The following OSBPL5 variants were observed in gnomAD, a reference collection of about 807,000 sequenced individuals.
OSBPL5 encodes oxysterol-binding protein-related protein 5.
Under a neutral mutation model 111.2 loss-of-function variants are expected in OSBPL5, and 71 were observed. The ratio of observed to expected loss-of-function variants is 0.64; its 90% CI spans 0.53 to 0.78. The LOEUF (loss-of-function observed/expected upper bound fraction) is 0.78, where lower values mean the gene tolerates loss of function less well. Ranked by LOEUF, OSBPL5 falls within the 30% of genes least tolerant of loss-of-function variation. The probability of loss-of-function intolerance (pLI) is 0.00; values close to 1 mark genes in which losing one functional copy is unlikely to be tolerated. For missense variants in OSBPL5, 1,210 were observed against 1,189.3 expected, an observed-to-expected ratio of 1.02 and a Z score of -0.26; for synonymous variants, 549 against 513.9, an observed-to-expected ratio of 1.07 and a Z score of -0.93.
intron 1 of OSBPL5, among the ~76,000 whole-genome samples, chr11:3,158,799 C>T (rs1195500810): frequency 1.3e-5 from 2 of 152,244 alleles, no homozygotes; most frequent in Non-Finnish European, 2.9e-5. Flanking sequence ...AGATATAAAA[C>T]AGCTCAAGGA....
rs1423083074 is a variant in OSBPL5 at position 3,165,254 on chromosome 11, G to C, written c.-60C>G. ...GCGAGCTCGGTGCTCCGGGCCGGCC[G>C]GGCGCGCGGGGGCTCCACTGGCGGC... On this transcript the variant is annotated 5_prime_UTR_variant, in exon 1 of 22. Transcript: ENST00000263650. The surrounding 1 kb of genome is among the most constrained non-coding windows in gnomAD (Gnocchi z 7.4). 1 of 151,130 alleles carries C rather than the reference G, an allele frequency of 6.6e-6. No individual in the cohort carries two copies. Among genetic ancestry groups the C allele is most frequent in the African/African-American group, 2.4e-5 (1 of 41,284 alleles). The allele number at this position is 151,130 out of a possible 1,614,324, so 9.4% of individuals were successfully genotyped here.
At chr11:3,116,155 G>T (rs1052727501) in intron 7 of OSBPL5, among the ~76,000 whole-genome samples, 1 of 152,024 alleles carries the variant, frequency 6.6e-6, no homozygotes, top group African/African-American at 2.4e-5. Context: ...TCTTCTTTGG[G>T]CTATATTTGT....
In OSBPL5 at chr11:3,107,446, C is replaced by A; in HGVS notation, c.876G>T (p.Gly292=). 6.2e-7 allele frequency: 1 copy of A among 1,614,008 alleles called. No individual in the cohort carries two copies. The highest frequency in any genetic ancestry group is 1.7e-5 in the Admixed American group (1 of 60,012). ...HPDQDLFPLN[G]SSLENDAFSD... ...AGAATGCATCGTTCTCCAGGGAAGACCCGTTCAGTCTGGAAGGTGGATGGT... is the reference window on the plus strand; with the variant it reads ...AGAATGCATCGTTCTCCAGGGAAGAACCGTTCAGTCTGGAAGGTGGATGGT... Residue 292 remains glycine, a synonymous_variant, in exon 9 of 22, where the codon GGG becomes GGT. Transcript: ENST00000263650. This position sits in a 1 kb window ranked among gnomAD's most constrained non-coding sequence, Gnocchi z 6.1.
Position 3,104,976 on chromosome 11 carries a change from T to C in OSBPL5, c.1060-599A>G. On this transcript the variant is annotated intron_variant, in intron 9 of 21. Transcript: ENST00000263650. The surrounding 1 kb of genome is among the most constrained non-coding windows in gnomAD (Gnocchi z 5.0). ...GAACTCACCCCTCACTTCCGAAGCC[T>C]GTGTGCCCCTCACGAAGGCCCCCTC... 6.6e-6 allele frequency among the ~76,000 whole-genome samples: 1 copy of C among 152,132 alleles called. No homozygotes were observed. Among genetic ancestry groups the C allele is most frequent in the African/African-American group, 2.4e-5 (1 of 41,422 alleles).
At chr11:3,145,065 G>A (rs972775848) in intron 1 of OSBPL5, among the ~76,000 whole-genome samples, 30 of 152,214 alleles carry the variant, frequency 2.0e-4, no homozygotes, top group Non-Finnish European at 3.5e-4. Flanking sequence ...GACTCCCCAC[G>A]GAAGGGGCAC....
rs775240909 is a variant in OSBPL5 at position 3,126,501 on chromosome 11, G to T, written c.191C>A (p.Thr64Asn). The T allele has an allele frequency of 1.2e-6, 2 of 1,609,976 alleles. No homozygotes were observed. Among genetic ancestry groups the T allele is most frequent in the African/African-American group, 1.3e-5 (1 of 74,932 alleles). The stretch of plus-strand genomic sequence containing the variant: ...TGGCACCTTCGTGGCAGAGCTTGGG[G>T]TCGGGGGCCCTTCATCCCTGGGCAG... ...PSLPRDEGPP[T>N]PSSATKVPPA... Residue 64 changes from threonine (T) to asparagine (N), a missense_variant, in exon 3 of 22, where the codon ACC becomes AAC. Physicochemically the swap from Thr to Asn is moderately conservative, Grantham distance 65. Transcript: ENST00000263650. The surrounding 1 kb of genome is among the most constrained non-coding windows in gnomAD (Gnocchi z 6.5).
chr11:3,117,017 TTCTC>T (rs1460641678), intron 7 of OSBPL5, among the ~76,000 whole-genome samples: 2 of 152,246 alleles, frequency 1.3e-5, no homozygotes, highest in African/African-American at 2.4e-5. Flanking sequence ...GCATATTTGT[TTCTC>T]TCTACCTAAT....
rs1564830094 is a variant in OSBPL5, at chr11:3,103,781, GCAGTCCCTTC to G, written c.1244+402_1244+411del. Among the ~76,000 whole-genome samples, 22 of 78,212 alleles carry G rather than the reference GCAGTCCCTTC, an allele frequency of 2.8e-4. No individual in the cohort carries two copies. In the East Asian group the frequency reaches 7.9e-3, roughly 28 times the overall value. 51.3% of individuals were successfully genotyped at this position (78,212 alleles called of 152,430 possible). A position where few individuals can be genotyped will look rare whatever the true frequency, so the allele number is the denominator to read the frequency against. On this transcript the variant is annotated intron_variant, in intron 10 of 21. Coordinates refer to ENST00000263650, the MANE Select transcript of OSBPL5 (RefSeq NM_020896.4). The stretch of plus-strand genomic sequence containing the variant: ...GCTCTGCAGCCCCCTTCCAGCCTCT[GCAGTCCCTTC>G]CTGCCTCTGCAGCCCTCTTCCTGCC...
chr11:3,109,315 A>G lies in OSBPL5; in HGVS notation c.692-1370T>C, dbSNP rs1372838946. Among the ~76,000 whole-genome samples the G allele has an allele frequency of 6.6e-6, 1 of 151,874 alleles. No homozygotes were observed. Among genetic ancestry groups the G allele is most frequent in the Admixed American group, 6.6e-5 (1 of 15,260 alleles). On this transcript the variant is annotated intron_variant, in intron 7 of 21. Transcript: ENST00000263650. The surrounding 1 kb of genome is among the most constrained non-coding windows in gnomAD (Gnocchi z 7.4). ...GGCTGGTCTCAACCTCTGGGCCTCAAGTGATCTGCGTCGGCCTCCCAAAGT... is the reference window on the plus strand; with the variant it reads ...GGCTGGTCTCAACCTCTGGGCCTCAGGTGATCTGCGTCGGCCTCCCAAAGT...
In OSBPL5 at chr11:3,089,839, G is replaced by A. The variant is rs1190025051; in HGVS notation, c.2501+7C>T. ...GAGTCTGGATGGACACCCTGAGTGTGGCCCACCTGTGCAGCTCCTGCTGGG... is the reference window on the plus strand; with the variant it reads ...GAGTCTGGATGGACACCCTGAGTGTAGCCCACCTGTGCAGCTCCTGCTGGG... On this transcript the variant is annotated splice_region_variant and intron_variant, in intron 21 of 21. Transcript: ENST00000263650. 6.4e-7 allele frequency: 1 copy of A among 1,555,504 alleles called. No homozygotes were observed.
intron 4 of OSBPL5, 99 bp from the exon 5 acceptor site, chr11:3,122,197 A>G (rs1858442388): frequency 7.3e-7 from 1 of 1,365,962 alleles, no homozygotes. Flanking sequence ...GGGCAGGGGC[A>G]GGAGAGGAAG....
intron 2 of OSBPL5, among the ~76,000 whole-genome samples, chr11:3,128,174 C>T (rs1287719692): frequency 3.9e-5 from 6 of 152,234 alleles, no homozygotes; most frequent in Admixed American, 6.5e-5. Flanking sequence ...TGCGACCACA[C>T]GCCCCTCGAG....
intron 10 of OSBPL5, among the ~76,000 whole-genome samples, chr11:3,103,562 T>G (rs1857529320): frequency 6.6e-6 from 1 of 152,160 alleles, no homozygotes; most frequent in Non-Finnish European, 1.5e-5. Context: ...TGACCTGGGC[T>G]GCCAGGGTGC....
intron 1 of OSBPL5, among the ~76,000 whole-genome samples, chr11:3,133,375 C>T (rs185767367): frequency 1.3e-5 from 2 of 152,350 alleles, no homozygotes; most frequent in East Asian, 3.9e-4. Context: ...CCTGGGATCC[C>T]ACTCAAACTG....
chr11:3,138,134 C>T (rs1197215235), intron 1 of OSBPL5, among the ~76,000 whole-genome samples: 3 of 152,226 alleles, frequency 2.0e-5, no homozygotes, highest in South Asian at 2.1e-4. Flanking sequence ...AGCCCGTCCC[C>T]GGCCCTGTCC....
At chr11:3,108,075 C>T in intron 7 of OSBPL5, 130 bp from the exon 8 acceptor site, 1 of 1,211,856 alleles carries the variant, frequency 8.3e-7, no homozygotes, top group South Asian at 1.5e-5. Context: ...CAGACCCACC[C>T]CTGGCCCTGC....
At position 3,122,635 on chromosome 11, in the gene OSBPL5, C is replaced by T. The variant is rs575193641; in HGVS notation, c.220-207G>A. Among the ~76,000 whole-genome samples the T allele has an allele frequency of 7.9e-5, 12 of 152,284 alleles. No individual in the cohort carries two copies. The South Asian group carries it at 2.3e-3, about 29-fold the overall frequency. On this transcript the variant is annotated intron_variant, in intron 3 of 21. Transcript: ENST00000263650. ...AGAACAAGGGTGGCTGACGAGAGACCCTCCATGGGCACACGCCAGTGACAG... is the reference window on the plus strand; with the variant it reads ...AGAACAAGGGTGGCTGACGAGAGACTCTCCATGGGCACACGCCAGTGACAG...
chr11:3,142,985 C>G lies in OSBPL5; in HGVS notation c.-21-13816G>C, dbSNP rs1193705163. ...CTGGACGGTCCTGGAGCCTGCAGAG[C>G]AGGGCAGAGGAGGCAGGTGCAGAGG... On this transcript the variant is annotated intron_variant, in intron 1 of 21. Transcript: ENST00000263650. This position sits in a 1 kb window ranked among gnomAD's most constrained non-coding sequence, Gnocchi z 7.1. Among the ~76,000 whole-genome samples the G allele has an allele frequency of 7.4e-6, 1 of 134,584 alleles. No homozygotes were observed. Among genetic ancestry groups the G allele is most frequent in the African/African-American group, 2.8e-5 (1 of 35,960 alleles). The allele number at this position is 134,584 out of a possible 152,430, so 88.3% of individuals were successfully genotyped here. A position where few individuals can be genotyped will look rare whatever the true frequency, so the allele number is the denominator to read the frequency against.
At chr11:3,148,519 C>T (rs887655549) in intron 1 of OSBPL5, among the ~76,000 whole-genome samples, 2 of 152,238 alleles carry the variant, frequency 1.3e-5, no homozygotes, top group Non-Finnish European at 2.9e-5. Context: ...GAGTCTCTTT[C>T]CAGCGGCTGT....
Sources: gnomAD v4.1 joint callset for allele counts (sites outside exome capture counted in the v4.1 genomes callset) on GRCh38, gnomAD v4.1.1 for gene constraint, Gnocchi (gnomAD v3.1) non-coding constraint, MANE v1.5 for transcripts, NCBI Gene and HGNC (gene_info 2026-07-23, HGNC 2026-07-21) for gene names.